Variants in PRKX observed in about 807,000 individuals in gnomAD.
The protein encoded by PRKX is cAMP-dependent protein kinase catalytic subunit PRKX.
Under a neutral mutation model 22.0 loss-of-function variants are expected in PRKX, and 12 were observed. That is an observed-to-expected ratio of 0.54 (90% CI 0.35 to 0.88). The LOEUF (loss-of-function observed/expected upper bound fraction) is 0.88. Ranked by LOEUF, PRKX falls within the 40% of genes least tolerant of loss-of-function variation. The pLI is 0.01. For synonymous variants in PRKX, 134 were observed against 137.7 expected, an observed-to-expected ratio of 0.97 and a Z score of 0.19; for missense variants, 217 against 308.0, an observed-to-expected ratio of 0.70 and a Z score of 2.21.
intron 4 of PRKX, among the ~76,000 whole-genome samples, 195 bp from the exon 5 acceptor site, chrX:3,626,709 C>T (rs1926666606): frequency 8.9e-6 from 1 of 112,293 alleles, no homozygotes; most frequent in South Asian, 3.7e-4. Context: ...GCATCGTGTG[C>T]CACAGTCCGA....
At chrX:3,635,106 T>C (rs1281466151) in intron 4 of PRKX, among the ~76,000 whole-genome samples, 2 of 112,227 alleles carry the variant, frequency 1.8e-5, no homozygotes, top group East Asian at 5.5e-4. Flanking sequence ...ATATTATTTA[T>C]GTATTCTGTT....
chrX:3,693,663 C>A (rs781653108), intron 1 of PRKX, among the ~76,000 whole-genome samples: 4 of 110,941 alleles, frequency 3.6e-5, no homozygotes, highest in African/African-American at 9.8e-5. Context: ...TGAGGCCGGG[C>A]GCGGTGGCTC....
chrX:3,689,704 G>A (rs369520758), intron 1 of PRKX, among the ~76,000 whole-genome samples: 188 of 111,483 alleles, frequency 1.7e-3, no homozygotes, highest in African/African-American at 3.4e-3. Context: ...TGGGCTGGGC[G>A]CGGTGGCTCA....
intron 6 of PRKX, among the ~76,000 whole-genome samples, chrX:3,617,041 TACAC>T (rs969963019): frequency 4.5e-5 from 5 of 110,955 alleles, no homozygotes; most frequent in Non-Finnish European, 7.5e-5. Flanking sequence ...CTTATACACA[TACAC>T]ACATTAATAT....
chrX:3,654,549 A>G (rs1255234609), intron 3 of PRKX, among the ~76,000 whole-genome samples: 13 of 100,537 alleles, frequency 1.3e-4, no homozygotes, highest in South Asian at 4.4e-4. Context: ...ATCACAGCTC[A>G]CTGCAGCCTC....
In PRKX at chrX:3,684,673, G is replaced by A. The variant is rs189404988; in HGVS notation, c.167-9907C>T. Among the ~76,000 whole-genome samples, 560 of 111,081 alleles carry A rather than the reference G, an allele frequency of 5.0e-3. 1 individual carries two copies. Among genetic ancestry groups the A allele is most frequent in the African/African-American group, 0.018 (533 of 30,335 alleles). On this transcript the variant is annotated intron_variant, in intron 1 of 8. Coordinates refer to ENST00000262848, the MANE Select transcript of PRKX (RefSeq NM_005044.5). ...TTCTTCTCTCACAGTCCTGGAGGCT[G>A]GAAGTCGGAGACCCAGGTGTGGGCA...
intron 4 of PRKX, among the ~76,000 whole-genome samples, chrX:3,638,555 T>C (rs1926944623): frequency 9.0e-6 from 1 of 111,673 alleles, no homozygotes; most frequent in East Asian, 2.8e-4. Flanking sequence ...TTTAACCTTT[T>C]GGGTTTGCCT....
intron 2 of PRKX, among the ~76,000 whole-genome samples, chrX:3,666,634 G>A (rs1409126033): frequency 9.0e-6 from 1 of 111,330 alleles, no homozygotes; most frequent in Non-Finnish European, 1.9e-5. Flanking sequence ...AACTGGGCAT[G>A]GTGGCATGTG....
chrX:3,666,152 A>ATT lies in PRKX; in HGVS notation c.335+8444_335+8445dup, dbSNP rs34567097. On this transcript the variant is annotated intron_variant, in intron 2 of 8. Coordinates refer to ENST00000262848, the MANE Select transcript of PRKX (RefSeq NM_005044.5). ...CAGCCTCCCGAGTAGTGAACTGTAC[A>ATT]TTTTTTTTTTTTTTTTTTTTGAGAC... 8.5e-3 allele frequency among the ~76,000 whole-genome samples: 580 copies of ATT among 68,095 alleles called. 10 individuals carry two copies. The highest frequency in any genetic ancestry group is 0.029 in the African/African-American group (529 of 18,213). The allele number at this position is 68,095 out of a possible 115,157, so 59.1% of individuals were successfully genotyped here.
At chrX:3,693,637 T>C (rs762435289) in intron 1 of PRKX, among the ~76,000 whole-genome samples, 1 of 111,229 alleles carries the variant, frequency 9.0e-6, no homozygotes, top group African/African-American at 3.3e-5. Flanking sequence ...GGCGTCTTAT[T>C]TGAAAATAGG....
At position 3,606,116 on chromosome X, in the gene PRKX, C is replaced by T. The variant is rs1926166043; in HGVS notation, c.*2853G>A. The T allele has an allele frequency of 8.9e-6, 1 of 112,211 alleles. No homozygotes were observed. Among genetic ancestry groups the T allele is most frequent in the African/African-American group, 3.2e-5 (1 of 30,882 alleles). 9.2% of individuals were successfully genotyped at this position (112,211 alleles called of 1,213,427 possible). A position where few individuals can be genotyped will look rare whatever the true frequency, so the allele number is the denominator to read the frequency against. On this transcript the variant is annotated 3_prime_UTR_variant, in exon 9 of 9. Coordinates refer to ENST00000262848, the MANE Select transcript of PRKX (RefSeq NM_005044.5). ...CCATGTCCTATTCTCTTAGAGTATT[C>T]CAATTTAAGAAAATATTGCCAACTC...
chrX:3,630,516 C>T (rs986129916), intron 4 of PRKX, among the ~76,000 whole-genome samples: 36 of 111,524 alleles, frequency 3.2e-4, no homozygotes, highest in Admixed American at 2.4e-3. Context: ...GCCGAGATCA[C>T]GCCACTGCAC....
intron 1 of PRKX, among the ~76,000 whole-genome samples, chrX:3,691,787 C>T (rs1196598243): frequency 9.0e-6 from 1 of 110,907 alleles, no homozygotes; most frequent in East Asian, 2.9e-4. Context: ...AGAATCTCTG[C>T]CACAGACAGA....
intron 4 of PRKX, among the ~76,000 whole-genome samples, chrX:3,637,989 T>C (rs768842189): frequency 2.7e-5 from 3 of 110,799 alleles, no homozygotes; most frequent in African/African-American, 9.8e-5. Flanking sequence ...CTCGAACTCC[T>C]GACCTCAGGT....
rs1200114928 is a variant in PRKX, at chrX:3,713,130, G to A, written c.124C>T (p.Pro42Ser). 1 of 1,156,274 alleles carries A rather than the reference G, an allele frequency of 8.6e-7. No individual in the cohort carries two copies. The highest frequency in any genetic ancestry group is 1.1e-6 in the Non-Finnish European group (1 of 871,778). The change falls in exon 1 of 9, where the codon CCT becomes TCT. Residue 42 changes from proline to serine, a missense_variant. Physicochemically the swap from Pro to Ser is moderately conservative, Grantham distance 74 (BLOSUM62 -1). Transcript: ENST00000262848. Reference protein sequence around the residue: ...PSPEALSPEPPVYSLQDFDTL... With the variant: ...PSPEALSPEPSVYSLQDFDTL... ...TCAAAGTCCTGCAGGCTGTACACAGGCGGCTCCGGCGACAGCGCCTCAGGG... is the reference window on the plus strand; with the variant it reads ...TCAAAGTCCTGCAGGCTGTACACAGACGGCTCCGGCGACAGCGCCTCAGGG...
chrX:3,677,279 T>C (rs1347140337), intron 1 of PRKX, among the ~76,000 whole-genome samples: 1 of 109,717 alleles, frequency 9.1e-6, no homozygotes, highest in African/African-American at 3.3e-5. Context: ...AGTAAAATTG[T>C]ATATATGAAA....
intron 3 of PRKX, among the ~76,000 whole-genome samples, chrX:3,648,606 CTGTGTGTGTGTGTGTG>C (rs58698248): frequency 1.4e-3 from 100 of 72,246 alleles, no homozygotes; most frequent in Middle Eastern, 7.6e-3. Flanking sequence ...CTCTCTACTC[CTGTGTGTGTGTGTGTG>C]TGTGTGTGTG....
At chrX:3,637,745 T>A (rs1312901775) in intron 4 of PRKX, among the ~76,000 whole-genome samples, 1 of 107,723 alleles carries the variant, frequency 9.3e-6, no homozygotes, top group Non-Finnish European at 1.9e-5. Flanking sequence ...TCATTTAATT[T>A]AATTATTCAT....
At chrX:3,679,555 T>A (rs1416443806) in intron 1 of PRKX, among the ~76,000 whole-genome samples, 1 of 112,396 alleles carries the variant, frequency 8.9e-6, no homozygotes, top group Non-Finnish European at 1.9e-5. Flanking sequence ...AACTGGACCT[T>A]GCCTAACGTG....
Sources: gnomAD v4.1 joint callset for allele counts (sites outside exome capture counted in the v4.1 genomes callset) on GRCh38, gnomAD v4.1.1 for gene constraint, MANE v1.5 for transcripts, NCBI Gene and HGNC (gene_info 2026-07-23, HGNC 2026-07-21) for gene names.